IFTAP: variants seen among roughly 807,000 people sequenced by gnomAD.
IFTAP encodes the protein intraflagellar transport associated protein.
In IFTAP, 19 loss-of-function variants were observed where a neutral mutation model predicts 19.4. The observed-to-expected ratio is 0.98, with a 90% confidence interval of 0.68 to 1.44. IFTAP has a LOEUF of 1.44. IFTAP is among the 40% of genes most tolerant of loss of function. The probability of loss-of-function intolerance (pLI) is 0.00; values close to 1 mark genes in which losing one functional copy is unlikely to be tolerated. For synonymous variants in IFTAP, 85 were observed against 83.5 expected (o/e 1.02, Z -0.10); for missense variants, 240 against 253.6 (o/e 0.95, Z 0.36).
chr11:36,618,176 G>A (rs965980282), intron 2 of IFTAP, among the ~76,000 whole-genome samples: 2 of 151,946 alleles, frequency 1.3e-5, no homozygotes, highest in African/African-American at 4.8e-5. Context: ...AACCCCCAAC[G>A]TGGACTGTAT....
intron 4 of IFTAP, among the ~76,000 whole-genome samples, chr11:36,637,602 A>G (rs1320859863): frequency 6.6e-6 from 1 of 152,132 alleles, no homozygotes; most frequent in African/African-American, 2.4e-5. Flanking sequence ...CCCAATAGAG[A>G]ATCTAATTCA....
At chr11:36,656,997 G>A (rs950815394) in intron 5 of IFTAP, among the ~76,000 whole-genome samples, 1 of 152,062 alleles carries the variant, frequency 6.6e-6, no homozygotes, top group African/African-American at 2.4e-5. Context: ...AGGTTTTAGA[G>A]GCTTGAAGGT....
rs529940417 is a variant in IFTAP at position 36,645,337 on chromosome 11, G to C, written c.359-2679G>C. Among the ~76,000 whole-genome samples the C allele has an allele frequency of 2.4e-4, 36 of 152,228 alleles. No individual in the cohort carries two copies. In the South Asian group the frequency reaches 6.8e-3, roughly 29 times the overall value. ...CTAAACACGTGGTTGAGAAAGAAGA[G>C]ATTAAAATACTTCAACCAGTCTTGC... On this transcript the variant is annotated intron_variant, in intron 4 of 5. Coordinates refer to ENST00000334307, the MANE Select transcript of IFTAP (RefSeq NM_138787.4).
At chr11:36,652,460 G>A (rs372365980) in intron 5 of IFTAP, among the ~76,000 whole-genome samples, 1 of 152,128 alleles carries the variant, frequency 6.6e-6, no homozygotes, top group Non-Finnish European at 1.5e-5. Flanking sequence ...GGGCTGAGAC[G>A]ATGGGGTTTT....
intron 4 of IFTAP, among the ~76,000 whole-genome samples, chr11:36,646,417 G>T (rs955620837): frequency 3.3e-5 from 5 of 152,232 alleles, no homozygotes; most frequent in Non-Finnish European, 7.4e-5. Flanking sequence ...AGGGAGTTTG[G>T]CTTTGAACTC....
chr11:36,647,289 T>C (rs1362986472), intron 4 of IFTAP, among the ~76,000 whole-genome samples: 2 of 152,102 alleles, frequency 1.3e-5, no homozygotes, highest in Non-Finnish European at 2.9e-5. Flanking sequence ...CTGCTTCTAA[T>C]TGTTTTTTTG....
intron 2 of IFTAP, among the ~76,000 whole-genome samples, chr11:36,616,743 T>C (rs1458565521): frequency 6.6e-6 from 1 of 151,992 alleles, no homozygotes; most frequent in African/African-American, 2.4e-5. Context: ...TTTGTGATCA[T>C]ACAGGCCTGC....
At chr11:36,619,482 C>T (rs1015204443) in intron 2 of IFTAP, among the ~76,000 whole-genome samples, 1 of 151,810 alleles carries the variant, frequency 6.6e-6, no homozygotes, top group Admixed American at 6.6e-5. Flanking sequence ...AGCAGCTGTC[C>T]CTCTTACCAA....
chr11:36,608,429 C>T (rs1015762012), intron 1 of IFTAP, among the ~76,000 whole-genome samples: 3 of 152,162 alleles, frequency 2.0e-5, no homozygotes, highest in African/African-American at 7.2e-5. Context: ...ATTGGAGAAA[C>T]CCCTACTTTT....
At chr11:36,618,031 G>A (rs527657602) in intron 2 of IFTAP, among the ~76,000 whole-genome samples, 4 of 151,940 alleles carry the variant, frequency 2.6e-5, no homozygotes, top group Non-Finnish European at 5.9e-5. Flanking sequence ...ATGACCTAGT[G>A]AGTTCTTTCG....
intron 2 of IFTAP, among the ~76,000 whole-genome samples, chr11:36,623,538 C>T (rs1852388488): frequency 6.6e-6 from 1 of 152,078 alleles, no homozygotes; most frequent in Non-Finnish European, 1.5e-5. Flanking sequence ...TTATAGCTTA[C>T]AGAATTTTAG....
At chr11:36,600,497 G>T (rs1186720361) in intron 1 of IFTAP, among the ~76,000 whole-genome samples, 2 of 152,216 alleles carry the variant, frequency 1.3e-5, no homozygotes, top group Admixed American at 1.3e-4. Flanking sequence ...AGAATCGAAT[G>T]CCTGATGATC....
At chr11:36,600,957 T>C (rs1851489202) in intron 1 of IFTAP, among the ~76,000 whole-genome samples, 1 of 152,134 alleles carries the variant, frequency 6.6e-6, no homozygotes, top group Admixed American at 6.5e-5. Context: ...TTACATAAAT[T>C]GACAAGGGTA....
rs369967718 is a variant in IFTAP at position 36,629,486 on chromosome 11, G to A, written c.137-3798G>A. 8.6e-5 allele frequency among the ~76,000 whole-genome samples: 13 copies of A among 151,500 alleles called. 1 individual carries two copies. The highest frequency in any genetic ancestry group is 2.9e-4 in the African/African-American group (12 of 40,768). Reference sequence around the variant, plus strand: ...AGATTTGGTTGTGAATTCTAATGTTGGTTGTGCTGATCTGTGAAAATTCTC... The same window carrying A: ...AGATTTGGTTGTGAATTCTAATGTTAGTTGTGCTGATCTGTGAAAATTCTC... On this transcript the variant is annotated intron_variant, in intron 2 of 5. Transcript: ENST00000334307.
chr11:36,610,301 G>A, intron 2 of IFTAP, 62 bp downstream of exon 2: 1 of 1,434,958 alleles, frequency 7.0e-7, no homozygotes, highest in Non-Finnish European at 9.5e-7. Context: ...ATAAGTGTAT[G>A]TTTTTGCTGC....
chr11:36,647,963 G>A, intron 4 of IFTAP, 53 bp from the exon 5 acceptor site: 1 of 1,583,994 alleles, frequency 6.3e-7, no homozygotes, highest in Non-Finnish European at 8.6e-7. Context: ...AAATGATTTA[G>A]GTAAATTGTG....
At chr11:36,643,892 A>G (rs112892762) in intron 4 of IFTAP, among the ~76,000 whole-genome samples, 56 of 152,280 alleles carry the variant, frequency 3.7e-4, no homozygotes, top group African/African-American at 1.2e-3. Flanking sequence ...AACCATAAAA[A>G]CCCTAGAAGA....
chr11:36,621,433 G>A (rs1852286966), intron 2 of IFTAP, among the ~76,000 whole-genome samples: 1 of 151,886 alleles, frequency 6.6e-6, no homozygotes, highest in Non-Finnish European at 1.5e-5. Flanking sequence ...TCGTTCCAGA[G>A]GAGGTACATT....
rs1365387387 is a variant in IFTAP at position 36,594,567 on chromosome 11, T to C, written c.-49T>C. 1.4e-5 allele frequency: 3 copies of C among 221,528 alleles called. No individual in the cohort carries two copies. The highest frequency in any genetic ancestry group is 1.1e-4 in the East Asian group (1 of 8,952). The allele number at this position is 221,528 out of a possible 1,614,324, so 13.7% of individuals were successfully genotyped here. A position where few individuals can be genotyped will look rare whatever the true frequency, so the allele number is the denominator to read the frequency against. On this transcript the variant is annotated 5_prime_UTR_variant, in exon 1 of 6. Transcript: ENST00000334307. ...TCTGGGAGAGGGGACTCCTGGAATG[T>C]GTCTGTGAATAAAGACTAGCCGAAG...
Sources: gnomAD v4.1 joint callset for allele counts (sites outside exome capture counted in the v4.1 genomes callset) on GRCh38, gnomAD v4.1.1 for gene constraint, MANE v1.5 for transcripts, NCBI Gene and HGNC (gene_info 2026-07-23, HGNC 2026-07-21) for gene names.